ZNF536: variants seen among roughly 807,000 people sequenced by gnomAD.
The protein encoded by ZNF536 is zinc finger protein 536.
ZNF536 carries 13 observed loss-of-function variants against 84.5 expected under a neutral mutation model. The observed-to-expected ratio is 0.15, with a 90% CI of 0.10 to 0.24. The LOEUF (loss-of-function observed/expected upper bound fraction) is 0.24. Among genes scored for constraint, ZNF536 ranks in the 10% least tolerant of loss-of-function variants. The pLI is 1.00. For synonymous variants in ZNF536, 811 were observed against 742.5 expected (o/e 1.09, Z -1.50); for missense variants, 1,536 against 1,747.5 (o/e 0.88, Z 2.16).
intron 1 of ZNF536, among the ~76,000 whole-genome samples, chr19:30,697,583 GA>G (rs1365637757): frequency 6.6e-6 from 1 of 152,186 alleles, no homozygotes; most frequent in Non-Finnish European, 1.5e-5. Context: ...TTACCGATGA[GA>G]AAACTGAGAC....
At chr19:30,530,487 C>T (rs886527840) in intron 2 of ZNF536, among the ~76,000 whole-genome samples, 2 of 152,184 alleles carry the variant, frequency 1.3e-5, no homozygotes, top group African/African-American at 4.8e-5. Flanking sequence ...GCTGGGATTA[C>T]AGGCACGCAC....
At chr19:30,423,490 A>G (rs2051071029) in intron 1 of ZNF536, among the ~76,000 whole-genome samples, 1 of 152,210 alleles carries the variant, frequency 6.6e-6, no homozygotes, top group Non-Finnish European at 1.5e-5. Context: ...TGGCTATTCT[A>G]TGCCCTTAAT....
At chr19:30,293,024 C>T (rs929207965) in intron 2 of ZNF536, among the ~76,000 whole-genome samples, 1 of 152,160 alleles carries the variant, frequency 6.6e-6, no homozygotes, top group Non-Finnish European at 1.5e-5. Flanking sequence ...TTGATTCCTT[C>T]TCCTTCATTC....
intron 1 of ZNF536, among the ~76,000 whole-genome samples, chr19:30,664,261 T>TCC (rs2050239175): frequency 8.7e-6 from 1 of 115,232 alleles, no homozygotes; most frequent in Non-Finnish European, 1.9e-5. Flanking sequence ...TCTCTCTCTC[T>TCC]CCCTCTCCCT....
At chr19:30,478,047 T>C (rs1048442611) in intron 2 of ZNF536, among the ~76,000 whole-genome samples, 10 of 152,138 alleles carry the variant, frequency 6.6e-5, no homozygotes, top group African/African-American at 2.4e-4. Flanking sequence ...TCCACCACTC[T>C]GCAGACCTCG....
chr19:30,531,894 G>A (rs900910940), intron 2 of ZNF536, among the ~76,000 whole-genome samples: 4 of 152,044 alleles, frequency 2.6e-5, no homozygotes, highest in Non-Finnish European at 4.4e-5. Flanking sequence ...CAAAGTGCCA[G>A]GATTACAGGT....
At chr19:30,435,583 GTGA>G (rs2051709126) in intron 1 of ZNF536, among the ~76,000 whole-genome samples, 1 of 151,830 alleles carries the variant, frequency 6.6e-6, no homozygotes, top group African/African-American at 2.4e-5. Flanking sequence ...GGTGATGATG[GTGA>G]TGATGATGGT....
At chr19:30,390,654 C>A (rs925037722) in intron 1 of ZNF536, among the ~76,000 whole-genome samples, 32 of 152,186 alleles carry the variant, frequency 2.1e-4, no homozygotes, top group African/African-American at 7.7e-4. Flanking sequence ...TCTATCGGAG[C>A]CTGGAGTGTC....
chr19:30,366,713 C>T (rs1265560819), intron 3 of ZNF536, among the ~76,000 whole-genome samples: 3 of 151,972 alleles, frequency 2.0e-5, no homozygotes, highest in Non-Finnish European at 4.4e-5. Context: ...TGTTTTTGGC[C>T]CTGAGAATGT....
chr19:30,586,520 T>G (rs1225671231), intron 1 of ZNF536, among the ~76,000 whole-genome samples: 2 of 152,238 alleles, frequency 1.3e-5, no homozygotes, highest in South Asian at 4.1e-4. Flanking sequence ...TGGAGTTTCC[T>G]TCCTTCCTTC....
At chr19:30,597,012 T>TCTGGCTTC in intron 1 of ZNF536, among the ~76,000 whole-genome samples, 1 of 152,350 alleles carries the variant, frequency 6.6e-6, no homozygotes, top group South Asian at 2.1e-4. Context: ...TCTGAGGCTT[T>TCTGGCTTC]CTGGCTTCCT....
chr19:30,659,952 GGTGT>G (rs5827727), intron 1 of ZNF536, among the ~76,000 whole-genome samples: 333 of 101,272 alleles, frequency 3.3e-3, no homozygotes, highest in Middle Eastern at 0.026. Flanking sequence ...TTGACACAAG[GGTGT>G]GTGTGTGTGT....
rs1361032471 is a variant in ZNF536, at chr19:30,339,325, G to T, written c.-119-13043G>T. ...TGGTCACATGGCTGGGTCTAAGTTG[G>T]GTCCTTGAAGCCCTGAGCACAGTGG... On this transcript the variant is annotated intron_variant, in intron 2 of 5. Transcript: ENST00000585628. 2.0e-5 allele frequency among the ~76,000 whole-genome samples: 3 copies of T among 152,302 alleles called. No individual in the cohort carries two copies. In the East Asian group the frequency reaches 5.8e-4, roughly 29 times the overall value.
intron 1 of ZNF536, among the ~76,000 whole-genome samples, chr19:30,626,193 A>C (rs2048669370): frequency 6.6e-6 from 1 of 152,198 alleles, no homozygotes; most frequent in African/African-American, 2.4e-5. Flanking sequence ...TGTCAGACAC[A>C]CACAAGAATT....
chr19:30,412,325 C>T (rs1310948493), intron 1 of ZNF536, among the ~76,000 whole-genome samples: 3 of 151,784 alleles, frequency 2.0e-5, no homozygotes, highest in Non-Finnish European at 1.5e-5. Context: ...CAATGTTTTG[C>T]CATTAAACAT....
chr19:30,649,946 G>C (rs887494346), intron 1 of ZNF536, among the ~76,000 whole-genome samples: 9 of 152,018 alleles, frequency 5.9e-5, no homozygotes, highest in Non-Finnish European at 1.3e-4. Flanking sequence ...TTGTAGATTA[G>C]AGACTTTATT....
intron 3 of ZNF536, among the ~76,000 whole-genome samples, chr19:30,357,311 TGTGCAAAGGCCTCATGGCGGGGAAGAGC>T (rs968812253): frequency 4.6e-5 from 7 of 152,150 alleles, no homozygotes; most frequent in African/African-American, 1.7e-4. Context: ...AAGAACAGCA[TGTGCAAAGGCCTCATGGCGGGGAAGAGC>T]GTGGCATGTC....
chr19:30,591,989 G>A (rs188478127), intron 1 of ZNF536, among the ~76,000 whole-genome samples: 10 of 152,168 alleles, frequency 6.6e-5, no homozygotes, highest in African/African-American at 2.2e-4. Flanking sequence ...AAAATTAAAG[G>A]TCTATTGTCT....
chr19:30,329,072 C>T (rs913957910), intron 2 of ZNF536, among the ~76,000 whole-genome samples: 2 of 152,130 alleles, frequency 1.3e-5, no homozygotes, highest in African/African-American at 2.4e-5. Flanking sequence ...TTGCAAATGT[C>T]GGTGTGTCAA....
Sources: allele counts gnomAD v4.1 joint callset (sites outside exome capture counted in the v4.1 genomes callset), GRCh38; gene constraint gnomAD v4.1.1; transcripts MANE v1.5; gene names NCBI Gene and HGNC (gene_info 2026-07-23, HGNC 2026-07-21).